Variants in SOX11 observed in about 807,000 individuals in gnomAD.
SOX11 encodes transcription factor SOX-11.
SOX11 carries 5 observed loss-of-function variants against 16.7 expected under a neutral mutation model. That is an observed-to-expected ratio of 0.30 (90% CI 0.16 to 0.63). The LOEUF is 0.63. Ranked by LOEUF, SOX11 falls within the 20% of genes least tolerant of loss-of-function variation. The probability of loss-of-function intolerance (pLI) is 0.82; values close to 1 mark genes in which losing one functional copy is unlikely to be tolerated. For missense variants in SOX11, 492 were observed against 641.5 expected (o/e 0.77, Z 2.52); for synonymous variants, 363 against 298.8 (o/e 1.21, Z -2.22).
rs946669836 is a variant in SOX11, at chr2:5,693,221, G to C, written c.500G>C (p.Cys167Ser). 1 of 1,486,070 alleles carries C rather than the reference G, an allele frequency of 6.7e-7. No homozygotes were observed. Among genetic ancestry groups the C allele is most frequent in the African/African-American group, 1.4e-5 (1 of 69,568 alleles). The allele number at this position is 1,486,070 out of a possible 1,614,324, so 92.1% of individuals were successfully genotyped here. ...AKTSKGSSKK[C>S]GKLKAPAAAG... ...ACCTCCAAGGGCTCCAGCAAGAAAT[G>C]CGGCAAGCTCAAGGCCCCCGCGGCC... Residue 167 changes from cysteine to serine, a missense_variant, in exon 1 of 1, where the codon TGC (cysteine) becomes TCC (serine). Physicochemically the swap from Cys to Ser is moderately radical, Grantham distance 112. This residue lies in a region of SOX11 where 389 missense variants were observed against 389.0 expected (regional missense o/e 1.00). Coordinates refer to ENST00000322002, the MANE Select transcript of SOX11 (RefSeq NM_003108.4). The surrounding 1 kb of genome is among the most constrained non-coding windows in gnomAD (Gnocchi z 8.6).
At position 5,693,526 on chromosome 2, in the gene SOX11, C is replaced by A; in HGVS notation, c.805C>A (p.Arg269Ser). Reference sequence around the variant, plus strand: ...GCAGCAGCCGTCGCAGCTGCTGAGACGCTACAACGTCGCCAAAGTGCCCGC... The same window carrying A: ...GCAGCAGCCGTCGCAGCTGCTGAGAAGCTACAACGTCGCCAAAGTGCCCGC... The part of the protein sequence containing the change: ...PGQQPSQLLR[R>S]YNVAKVPASP... The change falls in exon 1 of 1, where the codon CGC becomes AGC. Residue 269 changes from arginine (R) to serine (S), a missense_variant. Physicochemically the swap from Arg to Ser is moderately radical, Grantham distance 110 (BLOSUM62 -1). This residue lies in a region of SOX11 where 389 missense variants were observed against 389.0 expected (regional missense o/e 1.00). Transcript: ENST00000322002. This position sits in a 1 kb window ranked among gnomAD's most constrained non-coding sequence, Gnocchi z 8.6. 6.4e-7 allele frequency: 1 copy of A among 1,571,620 alleles called. No individual in the cohort carries two copies. Among genetic ancestry groups the A allele is most frequent in the Non-Finnish European group, 8.6e-7 (1 of 1,166,038 alleles).
rs1290788964 is a variant in SOX11, at chr2:5,694,023, C to T, written c.1302C>T (p.Phe434=). Residue 434 remains phenylalanine (F), a synonymous_variant, in exon 1 of 1, where the codon TTC becomes TTT. Transcript: ENST00000322002. ...MIAGDWLEAN[F]SDLVFTY ...CGGGGGACTGGCTGGAGGCGAACTTCTCCGACCTGGTGTTCACATATTGAA... is the reference window on the plus strand; with the variant it reads ...CGGGGGACTGGCTGGAGGCGAACTTTTCCGACCTGGTGTTCACATATTGAA... 5 of 1,551,076 alleles carry T rather than the reference C, an allele frequency of 3.2e-6. No homozygotes were observed. Among genetic ancestry groups the T allele is most frequent in the Non-Finnish European group, 4.4e-6 (5 of 1,146,924 alleles).
rs920951129 is a variant in SOX11, at chr2:5,695,174, T to A, written c.*1127T>A. 6.0e-6 allele frequency: 1 copy of A among 166,702 alleles called. No individual in the cohort carries two copies. The highest frequency in any genetic ancestry group is 1.5e-5 in the Non-Finnish European group (1 of 68,074). 10.3% of individuals were successfully genotyped at this position (166,702 alleles called of 1,614,324 possible). A position where few individuals can be genotyped will look rare whatever the true frequency, so the allele number is the denominator to read the frequency against. ...TTTAAAAAGGATTAAAATTTTAAAATAATCCTTGCATCTAAAGGCCTTGTG... is the reference window on the plus strand; with the variant it reads ...TTTAAAAAGGATTAAAATTTTAAAAAAATCCTTGCATCTAAAGGCCTTGTG... On this transcript the variant is annotated 3_prime_UTR_variant, in exon 1 of 1. Transcript: ENST00000322002.
Position 5,698,835 on chromosome 2 carries a change from G to C in SOX11, c.*4788G>C, listed in dbSNP as rs1056169318. The C allele has an allele frequency of 1.2e-5, 2 of 166,994 alleles. No homozygotes were observed. Among genetic ancestry groups the C allele is most frequent in the African/African-American group, 4.8e-5 (2 of 41,430 alleles). The allele number at this position is 166,994 out of a possible 1,614,324, so 10.3% of individuals were successfully genotyped here. A position where few individuals can be genotyped will look rare whatever the true frequency, so the allele number is the denominator to read the frequency against. On this transcript the variant is annotated 3_prime_UTR_variant, in exon 1 of 1. Transcript: ENST00000322002. ...AAGACAAGACTTATTTTTCTCTTCT[G>C]GGACTTGAAATCATAATCATCTGAT...
chr2:5,693,261 G>A lies in SOX11; in HGVS notation c.540G>A (p.Ala180=). Reference sequence around the variant, plus strand: ...CCCCCGCGGCCGCGGGCGCCAAGGCGGGCGCGGGCAAGGCGGCCCAGTCCG... The same window carrying A: ...CCCCCGCGGCCGCGGGCGCCAAGGCAGGCGCGGGCAAGGCGGCCCAGTCCG... The part of the protein sequence containing the change: ...LKAPAAAGAK[A]GAGKAAQSGD... The change falls in exon 1 of 1, where the codon GCG becomes GCA. Residue 180 remains alanine (A), a synonymous_variant. Transcript: ENST00000322002. The surrounding 1 kb of genome is among the most constrained non-coding windows in gnomAD (Gnocchi z 8.6). 7.3e-7 allele frequency: 1 copy of A among 1,378,680 alleles called. No homozygotes were observed. Among genetic ancestry groups the A allele is most frequent in the Non-Finnish European group, 9.3e-7 (1 of 1,078,168 alleles). The allele number at this position is 1,378,680 out of a possible 1,614,324, so 85.4% of individuals were successfully genotyped here.
At position 5,694,151 on chromosome 2, in the gene SOX11, T is replaced by C. The variant is rs568331506; in HGVS notation, c.*104T>C. 1 of 1,373,266 alleles carries C rather than the reference T, an allele frequency of 7.3e-7. No homozygotes were observed. Among genetic ancestry groups the C allele is most frequent in the East Asian group, 2.6e-5 (1 of 38,602 alleles). 85.1% of individuals were successfully genotyped at this position (1,373,266 alleles called of 1,614,324 possible). On this transcript the variant is annotated 3_prime_UTR_variant, in exon 1 of 1. Coordinates refer to ENST00000322002, the MANE Select transcript of SOX11 (RefSeq NM_003108.4). The stretch of plus-strand genomic sequence containing the variant: ...ATGATGATAATGATGATGATGATGG[T>C]GGTGTTGATGGTGGCGGTGGTAGGG...
At position 5,697,554 on chromosome 2, in the gene SOX11, A is replaced by C. The variant is rs1665760967; in HGVS notation, c.*3507A>C. The C allele has an allele frequency of 6.0e-6, 1 of 166,186 alleles. No homozygotes were observed. Among genetic ancestry groups the C allele is most frequent in the South Asian group, 2.1e-4 (1 of 4,736 alleles). 10.3% of individuals were successfully genotyped at this position (166,186 alleles called of 1,614,324 possible). A position where few individuals can be genotyped will look rare whatever the true frequency, so the allele number is the denominator to read the frequency against. On this transcript the variant is annotated 3_prime_UTR_variant, in exon 1 of 1. Coordinates refer to ENST00000322002, the MANE Select transcript of SOX11 (RefSeq NM_003108.4). Reference sequence around the variant, plus strand: ...CCACCCCTGGGATGCGAAGCCAGCAAGCTTTTGCTGCAGATGGACAGGTTT... The same window carrying C: ...CCACCCCTGGGATGCGAAGCCAGCACGCTTTTGCTGCAGATGGACAGGTTT...
At position 5,692,750 on chromosome 2, in the gene SOX11, C is replaced by A. The variant is rs1665656174; in HGVS notation, c.29C>A (p.Ala10Glu). 7 of 1,602,536 alleles carry A rather than the reference C, an allele frequency of 4.4e-6. No homozygotes were observed. The highest frequency in any genetic ancestry group is 2.2e-5 in the East Asian group (1 of 44,676). Residue 10 changes from alanine to glutamate, a missense_variant, in exon 1 of 1, where the codon GCG becomes GAG. Ala to Glu is a moderately radical substitution (Grantham distance 107). This residue lies in a region of SOX11 where 44 missense variants were observed against 48.5 expected (regional missense o/e 0.91). Coordinates refer to ENST00000322002, the MANE Select transcript of SOX11 (RefSeq NM_003108.4). MVQQAESLE[A>E]ESNLPREALD... ...GTGCAGCAGGCGGAGAGCTTGGAAG[C>A]GGAGAGCAACCTGCCCCGGGAGGCG...
At position 5,700,458 on chromosome 2, in the gene SOX11, T is replaced by A. The variant is rs996787220; in HGVS notation, c.*6411T>A. ...AAGGACAACTGGAAGTAATTTATCATATAAAGAATTTTGATCAAATAGATA... is the reference window on the plus strand; with the variant it reads ...AAGGACAACTGGAAGTAATTTATCAAATAAAGAATTTTGATCAAATAGATA... On this transcript the variant is annotated 3_prime_UTR_variant, in exon 1 of 1. Transcript: ENST00000322002. 2 of 165,708 alleles carry A rather than the reference T, an allele frequency of 1.2e-5. No homozygotes were observed. Among genetic ancestry groups the A allele is most frequent in the South Asian group, 2.1e-4 (1 of 4,802 alleles). The allele number at this position is 165,708 out of a possible 1,614,324, so 10.3% of individuals were successfully genotyped here. A position where few individuals can be genotyped will look rare whatever the true frequency, so the allele number is the denominator to read the frequency against.
Position 5,695,298 on chromosome 2 carries a change from C to G in SOX11, c.*1251C>G. The G allele has an allele frequency of 1.2e-5, 2 of 166,514 alleles. No individual in the cohort carries two copies. The allele number at this position is 166,514 out of a possible 1,614,324, so 10.3% of individuals were successfully genotyped here. A position where few individuals can be genotyped will look rare whatever the true frequency, so the allele number is the denominator to read the frequency against. ...TTATTGAAAATGGTGATATAGACCT[C>G]AGAGCTGTTATCTTAGTTTAAAGAT... On this transcript the variant is annotated 3_prime_UTR_variant, in exon 1 of 1. Transcript: ENST00000322002.
In SOX11 at chr2:5,696,874, A is replaced by C. The variant is rs1323104572; in HGVS notation, c.*2827A>C. The stretch of plus-strand genomic sequence containing the variant: ...GAATCAGCTCCCCGGGGCCGCCGCA[A>C]CGAAGGTGGATCCGCATCTTGATTG... On this transcript the variant is annotated 3_prime_UTR_variant, in exon 1 of 1. Coordinates refer to ENST00000322002, the MANE Select transcript of SOX11 (RefSeq NM_003108.4). 6.2e-6 allele frequency: 1 copy of C among 160,672 alleles called. No individual in the cohort carries two copies. The highest frequency in any genetic ancestry group is 2.4e-5 in the African/African-American group (1 of 41,306). 10.0% of individuals were successfully genotyped at this position (160,672 alleles called of 1,614,324 possible). A position where few individuals can be genotyped will look rare whatever the true frequency, so the allele number is the denominator to read the frequency against.
In SOX11 at chr2:5,693,804, G is replaced by A; in HGVS notation, c.1083G>A (p.Leu361=). Residue 361 remains leucine (L), a synonymous_variant, in exon 1 of 1, where the codon CTG becomes CTA. Transcript: ENST00000322002. This position sits in a 1 kb window ranked among gnomAD's most constrained non-coding sequence, Gnocchi z 8.6. ...GCAGCGGCGAGGACGCCGACGACCTGATGTTCGACCTGAGCTTGAATTTCT... is the reference window on the plus strand; with the variant it reads ...GCAGCGGCGAGGACGCCGACGACCTAATGTTCGACCTGAGCTTGAATTTCT... ...SGSSGEDADD[L]MFDLSLNFSQ... is the part of the protein sequence containing the mutation. The A allele has an allele frequency of 1.3e-6, 2 of 1,554,570 alleles. No homozygotes were observed. The highest frequency in any genetic ancestry group is 1.7e-6 in the Non-Finnish European group (2 of 1,149,410).
Position 5,693,104 on chromosome 2 carries a change from C to A in SOX11, c.383C>A (p.Pro128His), listed in dbSNP as rs1471365952. 4.3e-6 allele frequency: 7 copies of A among 1,613,286 alleles called. No homozygotes were observed. Among genetic ancestry groups the A allele is most frequent in the Non-Finnish European group, 5.9e-6 (7 of 1,179,934 alleles). Residue 128 changes from proline to histidine, a missense_variant, in exon 1 of 1, where the codon CCC becomes CAC. Around this residue, in one of 4 missense-constraint regions of SOX11, gnomAD observed 389 missense variants for 389.0 expected, o/e 1.00. Coordinates refer to ENST00000322002, the MANE Select transcript of SOX11 (RefSeq NM_003108.4). The surrounding 1 kb of genome is among the most constrained non-coding windows in gnomAD (Gnocchi z 8.6). ...CCCCGGAAAAAGCCCAAAATGGACC[C>A]CTCGGCCAAGCCCAGCGCCAGCCAG... Reference protein sequence around the residue: ...YRPRKKPKMDPSAKPSASQSP... With the variant: ...YRPRKKPKMDHSAKPSASQSP...
At position 5,696,473 on chromosome 2, in the gene SOX11, C is replaced by T. The variant is rs1002420651; in HGVS notation, c.*2426C>T. On this transcript the variant is annotated 3_prime_UTR_variant, in exon 1 of 1. Transcript: ENST00000322002. Reference sequence around the variant, plus strand: ...GGCACCCCGAGGAACATGGCATGGCCTCTGTGCGATCCGAGTCGCGGTCTC... The same window carrying T: ...GGCACCCCGAGGAACATGGCATGGCTTCTGTGCGATCCGAGTCGCGGTCTC... The T allele has an allele frequency of 1.3e-5, 2 of 155,832 alleles. No homozygotes were observed. Among genetic ancestry groups the T allele is most frequent in the African/African-American group, 4.8e-5 (2 of 41,438 alleles). The allele number at this position is 155,832 out of a possible 1,614,324, so 9.7% of individuals were successfully genotyped here. A position where few individuals can be genotyped will look rare whatever the true frequency, so the allele number is the denominator to read the frequency against.
At position 5,693,379 on chromosome 2, in the gene SOX11, G is replaced by A. The variant is rs758958162; in HGVS notation, c.658G>A (p.Val220Met). The change falls in exon 1 of 1, where the codon GTG becomes ATG. Residue 220 changes from valine to methionine, a missense_variant. Physicochemically the swap from Val to Met is conservative, Grantham distance 21 (BLOSUM62 1). This residue lies in a region of SOX11 where 389 missense variants were observed against 389.0 expected (regional missense o/e 1.00). Transcript: ENST00000322002. The surrounding 1 kb of genome is among the most constrained non-coding windows in gnomAD (Gnocchi z 8.6). The part of the protein sequence containing the change: ...GGGAGKTVKC[V>M]FLDEDDDDDD... ...CGGCGCGGGCAAGACGGTCAAGTGC[G>A]TGTTTCTGGATGAGGACGACGACGA... 9.1e-5 allele frequency: 145 copies of A among 1,593,152 alleles called. No individual in the cohort carries two copies. The highest frequency in any genetic ancestry group is 1.0e-4 in the Non-Finnish European group (123 of 1,178,122).
rs753250252 is a variant in SOX11 at position 5,693,754 on chromosome 2, A to AGCAGCAGCGGCAGCAGCAGCG, written c.1045_1065dup (p.Ser349_Gly355dup). The AGCAGCAGCGGCAGCAGCAGCG allele has an allele frequency of 6.9e-5, 110 of 1,586,212 alleles. No individual in the cohort carries two copies. The highest frequency in any genetic ancestry group is 3.2e-4 in the Admixed American group (18 of 56,886). ...GCGCTCGGTGTCCACCTCCTCGTCC[A>AGCAGCAGCGGCAGCAGCAGCG]GCAGCAGCGGCAGCAGCAGCGGCAG... On this transcript the variant is annotated inframe_insertion, in exon 1 of 1. Transcript: ENST00000322002. The surrounding 1 kb of genome is among the most constrained non-coding windows in gnomAD (Gnocchi z 8.6).
chr2:5,699,709 C>CTTTTTTTTTTTTTTTTT lies in SOX11; in HGVS notation c.*5664_*5680dup, dbSNP rs60344356. 1 of 140,954 alleles carries CTTTTTTTTTTTTTTTTT rather than the reference C, an allele frequency of 7.1e-6. No homozygotes were observed. The highest frequency in any genetic ancestry group is 1.6e-5 in the Non-Finnish European group (1 of 62,628). 8.7% of individuals were successfully genotyped at this position (140,954 alleles called of 1,614,324 possible). ...TCTCTTCCATTTTACTTACTGCTGG[C>CTTTTTTTTTTTTTTTTT]TTTTTTTTTTTTTTTTTTCCTTGAT... is the stretch of plus-strand genomic sequence containing the variant. On this transcript the variant is annotated 3_prime_UTR_variant, in exon 1 of 1. Coordinates refer to ENST00000322002, the MANE Select transcript of SOX11 (RefSeq NM_003108.4).
Position 5,692,518 on chromosome 2 carries a change from C to A in SOX11, c.-204C>A, listed in dbSNP as rs1359235020. The A allele has an allele frequency of 1.8e-5, 8 of 457,026 alleles. No homozygotes were observed. Among genetic ancestry groups the A allele is most frequent in the East Asian group, 3.5e-5 (1 of 28,742 alleles). The allele number at this position is 457,026 out of a possible 1,614,324, so 28.3% of individuals were successfully genotyped here. A position where few individuals can be genotyped will look rare whatever the true frequency, so the allele number is the denominator to read the frequency against. On this transcript the variant is annotated 5_prime_UTR_variant, in exon 1 of 1. Transcript: ENST00000322002. Reference sequence around the variant, plus strand: ...CTCCTGTCGCGACCGCAGCTCCCACCGCGCCGGCGGCCGTCGTCGCCGAAG... The same window carrying A: ...CTCCTGTCGCGACCGCAGCTCCCACAGCGCCGGCGGCCGTCGTCGCCGAAG...
rs1031095487 is a variant in SOX11, at chr2:5,694,878, C to CTTTTT, written c.*836_*840dup. 6.1e-6 allele frequency: 1 copy of CTTTTT among 164,058 alleles called. No individual in the cohort carries two copies. Among genetic ancestry groups the CTTTTT allele is most frequent in the African/African-American group, 2.4e-5 (1 of 40,942 alleles). 10.2% of individuals were successfully genotyped at this position (164,058 alleles called of 1,614,324 possible). On this transcript the variant is annotated 3_prime_UTR_variant, in exon 1 of 1. Transcript: ENST00000322002. The stretch of plus-strand genomic sequence containing the variant: ...TACAAATGTGATTTCTACTTGCCAA[C>CTTTTT]TTTTTTTTTGTAACTTGTTCCCTTA...
Sources: allele counts gnomAD v4.1 joint callset, GRCh38; gene constraint gnomAD v4.1.1; regional missense constraint gnomAD v4.1.1; non-coding constraint Gnocchi (gnomAD v3.1); transcripts MANE v1.5; gene names NCBI Gene and HGNC (gene_info 2026-07-23, HGNC 2026-07-21).